The following GTPBP2 variants were observed in gnomAD, a reference collection of about 807,000 sequenced individuals.
GTPBP2 encodes GTP binding protein 2, also known as GTP-binding protein 2.
A neutral mutation model predicts 63.0 loss-of-function variants in GTPBP2; 32 were observed. The observed-to-expected ratio is 0.51, with a 90% CI of 0.38 to 0.68. The LOEUF (loss-of-function observed/expected upper bound fraction) is 0.68, where lower values mean the gene tolerates loss of function less well. Among genes scored for constraint, GTPBP2 ranks in the 30% least tolerant of loss-of-function variants. The probability of loss-of-function intolerance (pLI) is 0.00; values close to 1 mark genes in which losing one functional copy is unlikely to be tolerated. For synonymous variants in GTPBP2, 310 were observed against 322.6 expected (o/e 0.96, Z 0.42); for missense variants, 492 against 796.9 (o/e 0.62, Z 4.61).
intron 1 of GTPBP2, 153 bp downstream of exon 1, chr6:43,628,824 C>T (rs1769657284): frequency 1.1e-6 from 1 of 894,864 alleles, no homozygotes; most frequent in Non-Finnish European, 1.9e-6. Flanking sequence ...TCCCTGGGGT[C>T]CCGGGACCTG....
upstream of GTPBP2, among the ~76,000 whole-genome samples, chr6:43,629,968 C>A (rs571070062): frequency 2.0e-4 from 31 of 152,346 alleles, no homozygotes; most frequent in African/African-American, 7.2e-4. Flanking sequence ...CCAGCTTCCT[C>A]CCCGAAGGCT....
rs371811079 is a variant in GTPBP2, at chr6:43,622,594, C to T, written c.1467+39G>A. ...TCAGTAGCCAGTCTCCTAGGCACTT[C>T]TCTTAGCGTTCCCTCCCCAACCCAT... On this transcript the variant is annotated intron_variant, in intron 10 of 11. Transcript: ENST00000307126. The surrounding 1 kb of genome is among the most constrained non-coding windows in gnomAD (Gnocchi z 5.4). 6.3e-7 allele frequency: 1 copy of T among 1,579,504 alleles called. No homozygotes were observed. The highest frequency in any genetic ancestry group is 8.7e-7 in the Non-Finnish European group (1 of 1,153,336).
Position 43,628,470 on chromosome 6 carries a change from CTGTGTG to C in GTPBP2, c.186+501_186+506del, listed in dbSNP as rs60906505. ...AAAGTTTGATAACCACTGGCTTAGGCTGTGTGTGTGTGTGTGTGTGTGTGTGTGTGT... is the reference window on the plus strand; with the variant it reads ...AAAGTTTGATAACCACTGGCTTAGGCTGTGTGTGTGTGTGTGTGTGTGTGT... On this transcript the variant is annotated intron_variant, in intron 1 of 11. Transcript: ENST00000307126. 2,694 of 432,400 alleles carry C rather than the reference CTGTGTG, an allele frequency of 6.2e-3. 4 individuals carry two copies. Among genetic ancestry groups the C allele is most frequent in the Middle Eastern group, 7.0e-3 (6 of 854 alleles). The allele number at this position is 432,400 out of a possible 1,614,324, so 26.8% of individuals were successfully genotyped here.
rs1769195347 is a variant in GTPBP2 at position 43,625,147 on chromosome 6, G to A, written c.706-85C>T. On this transcript the variant is annotated intron_variant, in intron 5 of 11. Coordinates refer to ENST00000307126, the MANE Select transcript of GTPBP2 (RefSeq NM_019096.5). The surrounding 1 kb of genome is among the most constrained non-coding windows in gnomAD (Gnocchi z 5.1). ...TGCCAGGACCTAAACCATTCCCTGG[G>A]TGACCCTGCCTCTTAATCTTGACCC... is the stretch of plus-strand genomic sequence containing the variant. The A allele has an allele frequency of 1.5e-6, 2 of 1,309,440 alleles. No homozygotes were observed. Among genetic ancestry groups the A allele is most frequent in the Admixed American group, 2.0e-5 (1 of 49,894 alleles). The allele number at this position is 1,309,440 out of a possible 1,614,324, so 81.1% of individuals were successfully genotyped here. A position where few individuals can be genotyped will look rare whatever the true frequency, so the allele number is the denominator to read the frequency against.
At position 43,625,430 on chromosome 6, in the gene GTPBP2, T is replaced by C; in HGVS notation, c.638A>G (p.His213Arg). Residue 213 changes from histidine to arginine, a missense_variant, in exon 5 of 12, where the codon CAT (histidine) becomes CGT (arginine). Transcript: ENST00000307126. The surrounding 1 kb of genome is among the most constrained non-coding windows in gnomAD (Gnocchi z 5.1). ...RARLNLFRHL[H>R]EIQSGRTSSI... ...GGAGGTTCGGCCAGACTGAATCTCA[T>C]GCAGGTGGCGGAAAAGGTTGAGCCG... 3.7e-6 allele frequency: 6 copies of C among 1,614,080 alleles called. No homozygotes were observed. Among genetic ancestry groups the C allele is most frequent in the Non-Finnish European group, 4.2e-6 (5 of 1,180,010 alleles).
Position 43,625,174 on chromosome 6 carries a change from AT to A in GTPBP2, c.706-113del. On this transcript the variant is annotated intron_variant, in intron 5 of 11. Coordinates refer to ENST00000307126, the MANE Select transcript of GTPBP2 (RefSeq NM_019096.5). This position sits in a 1 kb window ranked among gnomAD's most constrained non-coding sequence, Gnocchi z 5.1. ...GACCCTGCCTCTTAATCTTGACCCC[AT>A]TTTTTATTTAATTTAGTTGATTCCC... 2 of 1,131,084 alleles carry A rather than the reference AT, an allele frequency of 1.8e-6. No individual in the cohort carries two copies. The highest frequency in any genetic ancestry group is 2.6e-6 in the Non-Finnish European group (2 of 781,654). 70.1% of individuals were successfully genotyped at this position (1,131,084 alleles called of 1,614,324 possible).
Position 43,624,782 on chromosome 6 carries a change from G to A in GTPBP2, c.881-53C>T. On this transcript the variant is annotated intron_variant, in intron 6 of 11. Coordinates refer to ENST00000307126, the MANE Select transcript of GTPBP2 (RefSeq NM_019096.5). The surrounding 1 kb of genome is among the most constrained non-coding windows in gnomAD (Gnocchi z 5.1). The stretch of plus-strand genomic sequence containing the variant: ...GAGAGAAGAGTGAGAATGCAGGAGG[G>A]AGGAGAGGGAAGAAGAGGAGCATTG... 1 of 1,589,158 alleles carries A rather than the reference G, an allele frequency of 6.3e-7. No homozygotes were observed. Among genetic ancestry groups the A allele is most frequent in the Non-Finnish European group, 8.6e-7 (1 of 1,158,182 alleles).
chr6:43,626,840 A>G lies in GTPBP2; in HGVS notation c.213+82T>C. The G allele has an allele frequency of 9.0e-7, 1 of 1,112,050 alleles. No individual in the cohort carries two copies. The highest frequency in any genetic ancestry group is 1.4e-5 in the South Asian group (1 of 71,808). 68.9% of individuals were successfully genotyped at this position (1,112,050 alleles called of 1,614,324 possible). The stretch of plus-strand genomic sequence containing the variant: ...CAAAACTTCATCTCAAAAAAAAAAA[A>G]GAAAGAAAGAAAAAAGAAATTATCC... On this transcript the variant is annotated intron_variant, in intron 2 of 11. Coordinates refer to ENST00000307126, the MANE Select transcript of GTPBP2 (RefSeq NM_019096.5). The surrounding 1 kb of genome is among the most constrained non-coding windows in gnomAD (Gnocchi z 4.0).
rs775898026 is a variant in GTPBP2 at position 43,625,855 on chromosome 6, T to C, written c.408A>G (p.Ala136=). ...CTCGCTCTCGAAGAACGGTTATGTC[T>C]GCCCCAACCCTGTCACAGCAAGGCC... ...TLHRMAEKVG[A]DITVLREREV... is the part of the protein sequence containing the mutation. The change falls in exon 4 of 12, where the codon GCA becomes GCG. Residue 136 remains alanine (A), a synonymous_variant. Transcript: ENST00000307126. The surrounding 1 kb of genome is among the most constrained non-coding windows in gnomAD (Gnocchi z 5.1). The C allele has an allele frequency of 6.2e-7, 1 of 1,613,386 alleles. No individual in the cohort carries two copies. Among genetic ancestry groups the C allele is most frequent in the Non-Finnish European group, 8.5e-7 (1 of 1,179,438 alleles).
chr6:43,624,335 G>A lies in GTPBP2; in HGVS notation c.1100+175C>T, dbSNP rs761613816. 2.0e-5 allele frequency among the ~76,000 whole-genome samples: 3 copies of A among 152,170 alleles called. No individual in the cohort carries two copies. The highest frequency in any genetic ancestry group is 4.4e-5 in the Non-Finnish European group (3 of 68,026). ...CATCAGCAGTGCTCCAGGTTGGCTC[G>A]GGAGGAGGGTCAAGCCCTTTAGCAA... On this transcript the variant is annotated intron_variant, in intron 7 of 11. Transcript: ENST00000307126. This position sits in a 1 kb window ranked among gnomAD's most constrained non-coding sequence, Gnocchi z 5.1.
Position 43,622,817 on chromosome 6 carries a change from G to A in GTPBP2, c.1296-13C>T, listed in dbSNP as rs753132957. Reference sequence around the variant, plus strand: ...ACGGCAAATCCCACTGCAGCCCAGAGGGCAGGTGGCACAGTGTCAGCCAAG... The same window carrying A: ...ACGGCAAATCCCACTGCAGCCCAGAAGGCAGGTGGCACAGTGTCAGCCAAG... On this transcript the variant is annotated splice_polypyrimidine_tract_variant and intron_variant, in intron 9 of 11. Coordinates refer to ENST00000307126, the MANE Select transcript of GTPBP2 (RefSeq NM_019096.5). This position sits in a 1 kb window ranked among gnomAD's most constrained non-coding sequence, Gnocchi z 5.4. The A allele has an allele frequency of 9.3e-6, 15 of 1,605,182 alleles. No homozygotes were observed. The highest frequency in any genetic ancestry group is 1.3e-5 in the Non-Finnish European group (15 of 1,174,392).
rs1170843781 is a variant in GTPBP2 at position 43,623,108 on chromosome 6, A to G, written c.1296-304T>C. ...TTCATTCTCTGCTTTGCAGAGTCTT[A>G]GGCCAGCCGCGTTGGCTCACACCTG... On this transcript the variant is annotated intron_variant, in intron 9 of 11. Transcript: ENST00000307126. The G allele has an allele frequency of 8.8e-5, 30 of 340,040 alleles. No homozygotes were observed. The Admixed American group carries it at 1.3e-3, about 15-fold the overall frequency. The allele number at this position is 340,040 out of a possible 1,614,324, so 21.1% of individuals were successfully genotyped here.
rs762393343 is a variant in GTPBP2 at position 43,628,998 on chromosome 6, G to A, written c.165C>T (p.Asn55=). ...TCACCTCGGGGGGCAAATACGGGGGGTTGTTGGCTTTGCCCCCTCTGTTCC... is the reference window on the plus strand; with the variant it reads ...TCACCTCGGGGGGCAAATACGGGGGATTGTTGGCTTTGCCCCCTCTGTTCC... ...NGRNRGGKAN[N]PPYLPPEAED... is the part of the protein sequence containing the mutation. The change falls in exon 1 of 12, where the codon AAC becomes AAT. Residue 55 remains asparagine, a synonymous_variant. Transcript: ENST00000307126. 1.9e-6 allele frequency: 3 copies of A among 1,613,966 alleles called. No homozygotes were observed. The highest frequency in any genetic ancestry group is 2.2e-5 in the East Asian group (1 of 44,880).
chr6:43,624,174 T>C lies in GTPBP2; in HGVS notation c.1101-106A>G. Reference sequence around the variant, plus strand: ...GAGCTTTGTTCTGGCTGGGGGCCCCTCTCTCCTGTCTGCAAATGGCTCAGG... The same window carrying C: ...GAGCTTTGTTCTGGCTGGGGGCCCCCCTCTCCTGTCTGCAAATGGCTCAGG... On this transcript the variant is annotated intron_variant, in intron 7 of 11. Transcript: ENST00000307126. This position sits in a 1 kb window ranked among gnomAD's most constrained non-coding sequence, Gnocchi z 5.1. 3 of 964,982 alleles carry C rather than the reference T, an allele frequency of 3.1e-6. No individual in the cohort carries two copies. Among genetic ancestry groups the C allele is most frequent in the East Asian group, 4.9e-5 (2 of 40,950 alleles). The allele number at this position is 964,982 out of a possible 1,614,324, so 59.8% of individuals were successfully genotyped here.
In GTPBP2 at chr6:43,624,737, A is replaced by G. The variant is rs927161945; in HGVS notation, c.881-8T>C. On this transcript the variant is annotated splice_region_variant and splice_polypyrimidine_tract_variant and intron_variant, in intron 6 of 11. Transcript: ENST00000307126. This position sits in a 1 kb window ranked among gnomAD's most constrained non-coding sequence, Gnocchi z 5.1. ...GTTCCCTTGTGGTGCCAGCTGCCTC[A>G]TAAGGACAGCAAGCAGCAGGAGAGA... is the stretch of plus-strand genomic sequence containing the variant. 6.2e-7 allele frequency: 1 copy of G among 1,612,358 alleles called. No homozygotes were observed. The highest frequency in any genetic ancestry group is 8.5e-7 in the Non-Finnish European group (1 of 1,178,816).
upstream of GTPBP2, among the ~76,000 whole-genome samples, chr6:43,630,833 C>T (rs77429323): frequency 0.038 from 5,220 of 137,560 alleles, 330 homozygotes; most frequent in African/African-American, 0.14. Context: ...CGCTTGAACT[C>T]GGGAGGTAGA....
intron 1 of GTPBP2, chr6:43,628,470 CTGTGTGTGTGTGTGTGTGTGTG>C (rs60906505): frequency 2.3e-6 from 1 of 431,896 alleles, no homozygotes; most frequent in Non-Finnish European, 3.1e-6. Context: ...CTGGCTTAGG[CTGTGTGTGTGTGTGTGTGTGTG>C]TGTGTGTGTG....
rs35691947 is a variant in GTPBP2, at chr6:43,621,756, C to G, written c.1667G>C (p.Arg556Pro). ...KLRTGEKAVVRFRFLKHPEYL... is the reference protein window; with the variant it reads ...KLRTGEKAVVPFRFLKHPEYL... ...CTCTGGGTGTTTCAGGAAGCGGAAA[C>G]GTACCACTGCCTTCTCGCCTGTCCG... is the stretch of plus-strand genomic sequence containing the variant. The change falls in exon 12 of 12, where the codon CGT (arginine) becomes CCT (proline). Residue 556 changes from arginine (R) to proline (P), a missense_variant. Arg to Pro is a moderately radical substitution (Grantham distance 103). Around this residue, in one of 2 missense-constraint regions of GTPBP2, gnomAD observed 400 missense variants for 710.8 expected, o/e 0.56. Transcript: ENST00000307126. 1 of 1,614,170 alleles carries G rather than the reference C, an allele frequency of 6.2e-7. No homozygotes were observed. The highest frequency in any genetic ancestry group is 8.5e-7 in the Non-Finnish European group (1 of 1,180,024).
Position 43,622,790 on chromosome 6 carries a change from T to C in GTPBP2, c.1310A>G (p.Glu437Gly). The change falls in exon 10 of 12, where the codon GAG becomes GGG. Residue 437 changes from glutamate (E) to glycine (G), a missense_variant. Physicochemically the swap from Glu to Gly is moderately conservative, Grantham distance 98. This residue lies in a region of GTPBP2 where 400 missense variants were observed against 710.8 expected (regional missense o/e 0.56). Transcript: ENST00000307126. The surrounding 1 kb of genome is among the most constrained non-coding windows in gnomAD (Gnocchi z 5.4). ...GGGGCCCACCACCAGCTGGTCCCCCTCACGGCAAATCCCACTGCAGCCCAG... is the reference window on the plus strand; with the variant it reads ...GGGGCCCACCACCAGCTGGTCCCCCCCACGGCAAATCCCACTGCAGCCCAG... ...GGTLSSGICR[E>G]GDQLVVGPTD... 1 of 1,613,142 alleles carries C rather than the reference T, an allele frequency of 6.2e-7. No homozygotes were observed. The highest frequency in any genetic ancestry group is 8.5e-7 in the Non-Finnish European group (1 of 1,179,306).
Sources: allele counts gnomAD v4.1 joint callset (sites outside exome capture counted in the v4.1 genomes callset), GRCh38; gene constraint gnomAD v4.1.1; regional missense constraint gnomAD v4.1.1; non-coding constraint Gnocchi (gnomAD v3.1); transcripts MANE v1.5; gene names NCBI Gene and HGNC (gene_info 2026-07-23, HGNC 2026-07-21).